Variants in SSBP2 observed in about 807,000 individuals in gnomAD.
The protein encoded by SSBP2 is single-stranded DNA-binding protein 2.
Under a neutral mutation model 61.8 loss-of-function variants are expected in SSBP2, and 17 were observed. The ratio of observed to expected loss-of-function variants is 0.28; its 90% CI spans 0.19 to 0.41. The LOEUF (loss-of-function observed/expected upper bound fraction) is 0.41, where lower values mean the gene tolerates loss of function less well. Ranked by LOEUF, SSBP2 falls within the 10% of genes least tolerant of loss-of-function variation. The probability of loss-of-function intolerance (pLI) is 1.00; values close to 1 mark genes in which losing one functional copy is unlikely to be tolerated. For missense variants in SSBP2, 310 were observed against 458.7 expected (o/e 0.68, Z 2.96); for synonymous variants, 139 against 141.3 (o/e 0.98, Z 0.12).
intron 4 of SSBP2, among the ~76,000 whole-genome samples, chr5:81,521,039 T>C (rs1439370988): frequency 2.0e-5 from 3 of 152,102 alleles, no homozygotes; most frequent in Non-Finnish European, 2.9e-5. Context: ...TTAAACTTTA[T>C]GGCTATATTT....
chr5:81,738,419 A>C lies in SSBP2; in HGVS notation c.62+12562T>G, dbSNP rs368935186. 4.6e-5 allele frequency among the ~76,000 whole-genome samples: 7 copies of C among 152,290 alleles called. No individual in the cohort carries two copies. In the South Asian group the frequency reaches 1.2e-3, roughly 27 times the overall value. On this transcript the variant is annotated intron_variant, in intron 1 of 16. Transcript: ENST00000320672. Reference sequence around the variant, plus strand: ...AAATTACTTATCCTATTAAAGCCTTAGTTTCCTCACACTTATCCTTTCTCA... The same window carrying C: ...AAATTACTTATCCTATTAAAGCCTTCGTTTCCTCACACTTATCCTTTCTCA...
intron 4 of SSBP2, among the ~76,000 whole-genome samples, chr5:81,542,453 C>T (rs903696923): frequency 6.6e-6 from 1 of 152,138 alleles, no homozygotes; most frequent in African/African-American, 2.4e-5. Context: ...AAGACACATA[C>T]ACTCACATGT....
intron 1 of SSBP2, among the ~76,000 whole-genome samples, chr5:81,745,988 T>G (rs1037706213): frequency 2.6e-5 from 4 of 152,134 alleles, no homozygotes; most frequent in African/African-American, 9.7e-5. Context: ...GCAGAACAAC[T>G]AAAATGTAGT....
intron 5 of SSBP2, among the ~76,000 whole-genome samples, chr5:81,501,434 G>C (rs1264453244): frequency 6.7e-6 from 1 of 149,508 alleles, no homozygotes; most frequent in Non-Finnish European, 1.5e-5. Context: ...AGAGAAGGTA[G>C]TATTCACATT....
At chr5:81,607,662 T>C (rs1227917295) in intron 4 of SSBP2, among the ~76,000 whole-genome samples, 2 of 152,192 alleles carry the variant, frequency 1.3e-5, no homozygotes, top group East Asian at 3.8e-4. Flanking sequence ...CATTTAATTT[T>C]TTTTCCTAAA....
chr5:81,528,389 G>A lies in SSBP2; in HGVS notation c.283-14672C>T, dbSNP rs537333301. On this transcript the variant is annotated intron_variant, in intron 4 of 16. Coordinates refer to ENST00000320672, the MANE Select transcript of SSBP2 (RefSeq NM_012446.5). ...TACTTGCTTCACTATTTTCTAAACA[G>A]GCTTGGATAGTCTTAAAGGACATTA... Among the ~76,000 whole-genome samples, 3 of 152,112 alleles carry A rather than the reference G, an allele frequency of 2.0e-5. No individual in the cohort carries two copies. In the East Asian group the frequency reaches 5.8e-4, roughly 29 times the overall value.
At chr5:81,728,521 T>C (rs1756041587) in intron 1 of SSBP2, among the ~76,000 whole-genome samples, 1 of 152,212 alleles carries the variant, frequency 6.6e-6, no homozygotes, top group East Asian at 1.9e-4. Context: ...AACAGCCATA[T>C]AACCTTGTGC....
intron 4 of SSBP2, among the ~76,000 whole-genome samples, chr5:81,602,313 T>C (rs1302087459): frequency 2.6e-5 from 4 of 152,204 alleles, no homozygotes; most frequent in African/African-American, 9.6e-5. Context: ...AATTTATAAA[T>C]ATAATTATTT....
At chr5:81,499,815 C>G (rs1767562941) in intron 5 of SSBP2, among the ~76,000 whole-genome samples, 1 of 152,212 alleles carries the variant, frequency 6.6e-6, no homozygotes, top group South Asian at 2.1e-4. Context: ...TCTTGTCTCC[C>G]TTTTCTCTAC....
At position 81,467,051 on chromosome 5, in the gene SSBP2, T is replaced by G; in HGVS notation, c.571-10A>C. 1 of 1,607,356 alleles carries G rather than the reference T, an allele frequency of 6.2e-7. No individual in the cohort carries two copies. The highest frequency in any genetic ancestry group is 1.7e-5 in the Admixed American group (1 of 59,668). ...TTGCACCTCCATAGTTCTGTAATGA[T>G]AACCAAGGGTCAGACTACCACAAAA... On this transcript the variant is annotated splice_polypyrimidine_tract_variant and intron_variant, in intron 8 of 16. Coordinates refer to ENST00000320672, the MANE Select transcript of SSBP2 (RefSeq NM_012446.5).
intron 15 of SSBP2, among the ~76,000 whole-genome samples, chr5:81,436,109 A>AC (rs1302470969): frequency 6.7e-6 from 1 of 148,424 alleles, no homozygotes; most frequent in Non-Finnish European, 1.5e-5. Context: ...AATTGCTTGA[A>AC]CCCGGGAAGG....
chr5:81,518,103 C>T (rs760828675), intron 4 of SSBP2, among the ~76,000 whole-genome samples: 69 of 151,898 alleles, frequency 4.5e-4, no homozygotes, highest in Middle Eastern at 3.4e-3. Flanking sequence ...TCAAGACAGT[C>T]TATATTTGGT....
intron 1 of SSBP2, among the ~76,000 whole-genome samples, chr5:81,738,561 C>T (rs2154012970): frequency 6.6e-6 from 1 of 152,286 alleles, no homozygotes. Flanking sequence ...TCATCATCTT[C>T]CTCCTTACAC....
At chr5:81,656,726 CAA>C (rs201044035) in intron 1 of SSBP2, among the ~76,000 whole-genome samples, 3 of 132,010 alleles carry the variant, frequency 2.3e-5, no homozygotes. Flanking sequence ...TAAGTAACTC[CAA>C]AAAAAAAAAA....
chr5:81,636,418 G>GT (rs920742490), intron 3 of SSBP2, 139 bp downstream of exon 3: 16 of 580,398 alleles, frequency 2.8e-5, no homozygotes, highest in South Asian at 4.6e-5. Flanking sequence ...GTTTTTAAGG[G>GT]TTTTTTAAAA....
chr5:81,539,733 G>A (rs1021702774), intron 4 of SSBP2, among the ~76,000 whole-genome samples: 1 of 152,068 alleles, frequency 6.6e-6, no homozygotes, highest in East Asian at 1.9e-4. Flanking sequence ...GAGAATTGTT[G>A]CCATTTCTTA....
intron 9 of SSBP2, among the ~76,000 whole-genome samples, chr5:81,464,147 G>A (rs1255996608): frequency 6.6e-6 from 1 of 151,934 alleles, no homozygotes. Flanking sequence ...AATTCTGCAG[G>A]ATATAATACA....
chr5:81,601,365 T>C (rs764343971), intron 4 of SSBP2, among the ~76,000 whole-genome samples: 16 of 152,172 alleles, frequency 1.1e-4, no homozygotes, highest in Non-Finnish European at 2.2e-4. Context: ...TGTGGTTCTA[T>C]ATCTTGACTC....
chr5:81,522,368 C>T (rs1184232292), intron 4 of SSBP2, among the ~76,000 whole-genome samples: 1 of 151,878 alleles, frequency 6.6e-6, no homozygotes, highest in East Asian at 1.9e-4. Context: ...ATAGTATTAG[C>T]TTAGAGTAAC....
Sources: allele counts gnomAD v4.1 joint callset (sites outside exome capture counted in the v4.1 genomes callset), GRCh38; gene constraint gnomAD v4.1.1; transcripts MANE v1.5; gene names NCBI Gene and HGNC (gene_info 2026-07-23, HGNC 2026-07-21).